Variants in DENND1A observed in about 807,000 individuals in gnomAD.
DENND1A encodes DENN domain containing 1A, also known as DENN domain-containing protein 1A.
In DENND1A, 51 loss-of-function variants were observed where a neutral mutation model predicts 113.7. That is an observed-to-expected ratio of 0.45 (90% CI 0.36 to 0.57). The LOEUF (loss-of-function observed/expected upper bound fraction) is 0.57. Among genes scored for constraint, DENND1A ranks in the 20% least tolerant of loss-of-function variants. The probability of loss-of-function intolerance (pLI) is 0.00; values close to 1 mark genes in which losing one functional copy is unlikely to be tolerated. For missense variants in DENND1A, 1,258 were observed against 1,395.9 expected (o/e 0.90, Z 1.57); for synonymous variants, 565 against 570.8 (o/e 0.99, Z 0.14).
At chr9:123,599,999 C>T (rs1358695238) in intron 11 of DENND1A, among the ~76,000 whole-genome samples, 1 of 152,106 alleles carries the variant, frequency 6.6e-6, no homozygotes, top group South Asian at 2.1e-4. Flanking sequence ...TTTGTCTAGG[C>T]CAAGGGTACG....
chr9:123,423,137 G>A (rs1425213444), intron 19 of DENND1A, among the ~76,000 whole-genome samples: 3 of 152,300 alleles, frequency 2.0e-5, no homozygotes, highest in East Asian at 1.9e-4. Flanking sequence ...TGCTAGAGCC[G>A]GATGCCCGGT....
At chr9:123,819,065 G>A (rs1025069548) in intron 2 of DENND1A, among the ~76,000 whole-genome samples, 2 of 152,156 alleles carry the variant, frequency 1.3e-5, no homozygotes, top group Non-Finnish European at 2.9e-5. Flanking sequence ...TGGGCATGGG[G>A]TCCAGGAAGC....
intron 10 of DENND1A, among the ~76,000 whole-genome samples, chr9:123,610,421 CA>C (rs906090062): frequency 6.6e-6 from 1 of 152,182 alleles, no homozygotes; most frequent in African/African-American, 2.4e-5. Context: ...CCTAATACCA[CA>C]AAACAAAGTC....
intron 13 of DENND1A, among the ~76,000 whole-genome samples, chr9:123,502,768 T>C (rs1292795564): frequency 6.6e-6 from 1 of 152,244 alleles, no homozygotes; most frequent in Non-Finnish European, 1.5e-5. Flanking sequence ...AAAACCAGTG[T>C]CGTGAAGCTT....
chr9:123,831,882 C>A (rs913623478), intron 2 of DENND1A, among the ~76,000 whole-genome samples: 1 of 152,018 alleles, frequency 6.6e-6, no homozygotes, highest in African/African-American at 2.4e-5. Flanking sequence ...ACTCGGGAGG[C>A]TGAGGCAGGA....
intron 13 of DENND1A, among the ~76,000 whole-genome samples, chr9:123,544,841 G>A (rs1197066321): frequency 1.3e-5 from 2 of 152,190 alleles, no homozygotes; most frequent in African/African-American, 4.8e-5. Context: ...GCTCACGCCT[G>A]TAATCCCAGC....
intron 11 of DENND1A, among the ~76,000 whole-genome samples, chr9:123,593,243 A>G (rs1248931163): frequency 2.0e-5 from 3 of 152,220 alleles, no homozygotes; most frequent in Non-Finnish European, 4.4e-5. Context: ...TACAGGACCA[A>G]GGGTAAATGA....
chr9:123,450,156 C>T (rs1204193442), intron 18 of DENND1A, among the ~76,000 whole-genome samples: 1 of 152,128 alleles, frequency 6.6e-6, no homozygotes, highest in East Asian at 1.9e-4. Context: ...CCCTCCCCTC[C>T]CCACTCAGAG....
At chr9:123,602,786 C>T (rs2137447119) in intron 11 of DENND1A, among the ~76,000 whole-genome samples, 1 of 152,342 alleles carries the variant, frequency 6.6e-6, no homozygotes, top group South Asian at 2.1e-4. Flanking sequence ...CCTCTTGCCT[C>T]AGCCTTCTGA....
rs117177915 is a variant in DENND1A at position 123,454,871 on chromosome 9, G to T, written c.1187-92C>A. On this transcript the variant is annotated intron_variant, in intron 15 of 23. Coordinates refer to ENST00000394215, the MANE Select transcript of DENND1A (RefSeq NM_001352964.2). ...TTGCTTTTTTTTTTTTTTTTGAGAT[G>T]GAGTCTCACGCTGTCTCCCAGACTG... is the stretch of plus-strand genomic sequence containing the variant. The T allele has an allele frequency of 1.1e-3, 1,215 of 1,101,234 alleles. 18 individuals carry two copies. The East Asian group carries it at 0.028, about 25-fold the overall frequency. The allele number at this position is 1,101,234 out of a possible 1,614,324, so 68.2% of individuals were successfully genotyped here.
At chr9:123,531,832 T>C (rs2055348977) in intron 13 of DENND1A, among the ~76,000 whole-genome samples, 1 of 151,704 alleles carries the variant, frequency 6.6e-6, no homozygotes, top group African/African-American at 2.4e-5. Flanking sequence ...CCATAATAAA[T>C]ATGTCATTTT....
intron 12 of DENND1A, among the ~76,000 whole-genome samples, chr9:123,560,444 T>C (rs1312617846): frequency 6.6e-6 from 1 of 152,116 alleles, no homozygotes; most frequent in Non-Finnish European, 1.5e-5. Flanking sequence ...CCCAGCGCTT[T>C]GGGAAGCCAA....
intron 13 of DENND1A, among the ~76,000 whole-genome samples, chr9:123,515,922 A>C (rs1055775162): frequency 2.6e-5 from 4 of 151,814 alleles, no homozygotes; most frequent in African/African-American, 7.3e-5. Flanking sequence ...AAAAATAAAA[A>C]CCCAAAAATC....
chr9:123,469,237 A>G lies in DENND1A; in HGVS notation c.994-11340T>C, dbSNP rs2049198646. On this transcript the variant is annotated intron_variant, in intron 13 of 23. Coordinates refer to ENST00000394215, the MANE Select transcript of DENND1A (RefSeq NM_001352964.2). Reference sequence around the variant, plus strand: ...ACTCCCAGTCTGGGCCCCTGTCACTATAACAAGCCCTAAACAAAGAATCAA... The same window carrying G: ...ACTCCCAGTCTGGGCCCCTGTCACTGTAACAAGCCCTAAACAAAGAATCAA... Among the ~76,000 whole-genome samples, 8 of 152,254 alleles carry G rather than the reference A, an allele frequency of 5.3e-5. No homozygotes were observed. The South Asian group carries it at 1.4e-3, about 28-fold the overall frequency.
intron 11 of DENND1A, among the ~76,000 whole-genome samples, chr9:123,592,528 T>C (rs1348825209): frequency 6.6e-6 from 1 of 152,138 alleles, no homozygotes. Context: ...GGGGGGAAAC[T>C]GACTAGAATA....
At chr9:123,393,130 T>TA (rs1393775277) in intron 21 of DENND1A, among the ~76,000 whole-genome samples, 2 of 152,266 alleles carry the variant, frequency 1.3e-5, no homozygotes, top group Non-Finnish European at 2.9e-5. Context: ...GGAGATTCTG[T>TA]AGCCCTCCTG....
At chr9:123,620,221 AAAAAAAAAAAAAAAAAAG>A (rs2060878277) in intron 10 of DENND1A, among the ~76,000 whole-genome samples, 1 of 136,918 alleles carries the variant, frequency 7.3e-6, no homozygotes, top group East Asian at 2.0e-4. Context: ...CTCAAAAAAA[AAAAAAAAAAAAAAAAAAG>A]AAAAGAAAAA....
At chr9:123,663,428 G>A (rs139920231) in intron 8 of DENND1A, among the ~76,000 whole-genome samples, 1,585 of 151,884 alleles carry the variant, frequency 0.01, 19 homozygotes, top group Non-Finnish European at 0.015. Flanking sequence ...TATAGTTTTC[G>A]TTCACCGCCA....
At chr9:123,871,953 C>G (rs2133435565) in intron 2 of DENND1A, among the ~76,000 whole-genome samples, 1 of 152,296 alleles carries the variant, frequency 6.6e-6, no homozygotes, top group East Asian at 1.9e-4. Context: ...GAAATGCATT[C>G]CAGAGTTTTT....
Sources: gnomAD v4.1 joint callset for allele counts (sites outside exome capture counted in the v4.1 genomes callset) on GRCh38, gnomAD v4.1.1 for gene constraint, MANE v1.5 for transcripts, NCBI Gene and HGNC (gene_info 2026-07-23, HGNC 2026-07-21) for gene names.